The following CACNA2D1 variants were observed in gnomAD, a reference collection of about 807,000 sequenced individuals.
CACNA2D1 encodes calcium voltage-gated channel auxiliary subunit alpha2delta 1, also known as voltage-dependent calcium channel subunit alpha-2/delta-1.
A neutral mutation model predicts 171.5 loss-of-function variants in CACNA2D1; 53 were observed. The ratio of observed to expected loss-of-function variants is 0.31; its 90% CI spans 0.25 to 0.39. The LOEUF is 0.39. Among genes scored for constraint, CACNA2D1 ranks in the 10% least tolerant of loss-of-function variants. CACNA2D1 has a pLI of 1.00. For missense variants in CACNA2D1, 903 were observed against 1,299.8 expected (o/e 0.69, Z 4.69); for synonymous variants, 442 against 443.1 (o/e 1.00, Z 0.03).
In CACNA2D1 at chr7:82,080,081, G is replaced by A. The variant is rs192729931; in HGVS notation, c.658+4688C>T. 3.5e-3 allele frequency among the ~76,000 whole-genome samples: 516 copies of A among 149,354 alleles called. 1 individual carries two copies. The highest frequency in any genetic ancestry group is 4.9e-3 in the Non-Finnish European group (330 of 67,510). On this transcript the variant is annotated intron_variant, in intron 7 of 38. Transcript: ENST00000356860. ...TGTATATATATACGTATATATATGC[G>A]TACATATGTATAGATGTGTGTATAT...
At position 82,316,264 on chromosome 7, in the gene CACNA2D1, C is replaced by T. The variant is rs3801701; in HGVS notation, c.294+18871G>A. Among the ~76,000 whole-genome samples, 777 of 152,202 alleles carry T rather than the reference C, an allele frequency of 5.1e-3. 21 individuals are homozygous for T. The East Asian group carries it at 0.081, about 16-fold the overall frequency. ...TAATAACTGACAGGACAGAAGTGTT[C>T]CTGAAGTCTCTCACTGAATAGCATT... On this transcript the variant is annotated intron_variant, in intron 3 of 38. Coordinates refer to ENST00000356860, the MANE Select transcript of CACNA2D1 (RefSeq NM_000722.4).
At chr7:82,374,048 G>A (rs1822730958) in intron 1 of CACNA2D1, among the ~76,000 whole-genome samples, 1 of 152,150 alleles carries the variant, frequency 6.6e-6, no homozygotes, top group Non-Finnish European at 1.5e-5. Flanking sequence ...GGTTGACATG[G>A]GTCAGTCCGC....
In CACNA2D1 at chr7:82,443,512, G is replaced by A; in HGVS notation, c.-53C>T. 1 of 1,587,742 alleles carries A rather than the reference G, an allele frequency of 6.3e-7. No homozygotes were observed. The highest frequency in any genetic ancestry group is 1.7e-4 in the Middle Eastern group (1 of 5,976). On this transcript the variant is annotated 5_prime_UTR_variant, in exon 1 of 39. Transcript: ENST00000356860. Reference sequence around the variant, plus strand: ...CCCTGCCCAAGCGGGGGAAGGAGCGGCGCTGGAAACCGCGGGCGGAGGAAG... The same window carrying A: ...CCCTGCCCAAGCGGGGGAAGGAGCGACGCTGGAAACCGCGGGCGGAGGAAG...
intron 1 of CACNA2D1, among the ~76,000 whole-genome samples, chr7:82,396,563 T>C (rs1294123026): frequency 6.6e-6 from 1 of 152,342 alleles, no homozygotes; most frequent in African/African-American, 2.4e-5. Context: ...GGACTCCTTG[T>C]ACTAGCTACT....
chr7:82,404,456 G>A (rs1826798511), intron 1 of CACNA2D1, among the ~76,000 whole-genome samples: 3 of 152,164 alleles, frequency 2.0e-5, no homozygotes, highest in African/African-American at 7.2e-5. Flanking sequence ...AAATAAGTTA[G>A]GGAAGAATCC....
chr7:82,219,322 A>G (rs1801505001), intron 3 of CACNA2D1, among the ~76,000 whole-genome samples: 1 of 152,102 alleles, frequency 6.6e-6, no homozygotes, highest in African/African-American at 2.4e-5. Flanking sequence ...TATTTTACAT[A>G]TTTTCTAAAC....
intron 6 of CACNA2D1, among the ~76,000 whole-genome samples, chr7:82,088,302 C>T (rs1046098685): frequency 2.6e-5 from 4 of 151,988 alleles, no homozygotes; most frequent in Non-Finnish European, 4.4e-5. Flanking sequence ...AGGTACAAAA[C>T]GTCATTTTTT....
At chr7:82,208,992 G>T in intron 3 of CACNA2D1, among the ~76,000 whole-genome samples, 1 of 151,996 alleles carries the variant, frequency 6.6e-6, no homozygotes, top group East Asian at 1.9e-4. Context: ...AAAAAGAAAA[G>T]CTCAGCTTAT....
At chr7:81,964,555 C>G (rs1794499298) in intron 32 of CACNA2D1, among the ~76,000 whole-genome samples, 196 bp from the exon 33 acceptor site, 1 of 151,900 alleles carries the variant, frequency 6.6e-6, no homozygotes, top group Non-Finnish European at 1.5e-5. Context: ...GTTCTCATTA[C>G]TCAGTGGGGC....
At chr7:82,347,288 T>A (rs1205955753) in intron 2 of CACNA2D1, among the ~76,000 whole-genome samples, 1 of 152,152 alleles carries the variant, frequency 6.6e-6, no homozygotes. Flanking sequence ...TTTATTTTAT[T>A]TTATTTTTGA....
Position 81,971,763 on chromosome 7 carries a change from G to T in CACNA2D1, c.2141+14C>A. ...GCAGAATACATATTTTTATTAATAAGAACAAATACTTACATATTTTTCTGC... is the reference window on the plus strand; with the variant it reads ...GCAGAATACATATTTTTATTAATAATAACAAATACTTACATATTTTTCTGC... On this transcript the variant is annotated intron_variant, in intron 26 of 38. Coordinates refer to ENST00000356860, the MANE Select transcript of CACNA2D1 (RefSeq NM_000722.4). 1 of 1,424,592 alleles carries T rather than the reference G, an allele frequency of 7.0e-7. No individual in the cohort carries two copies. The highest frequency in any genetic ancestry group is 1.2e-5 in the South Asian group (1 of 86,834). 88.2% of individuals were successfully genotyped at this position (1,424,592 alleles called of 1,614,324 possible).
At chr7:82,404,758 C>T (rs895642598) in intron 1 of CACNA2D1, among the ~76,000 whole-genome samples, 2 of 152,162 alleles carry the variant, frequency 1.3e-5, no homozygotes, top group Admixed American at 1.3e-4. Context: ...GTGTCTCATG[C>T]AGTGTCACTC....
rs141711719 is a variant in CACNA2D1 at position 82,211,026 on chromosome 7, G to A, written c.295-40417C>T. 6.4e-3 allele frequency among the ~76,000 whole-genome samples: 968 copies of A among 152,084 alleles called. 12 individuals are homozygous for A. The highest frequency in any genetic ancestry group is 0.022 in the African/African-American group (914 of 41,470). ...CCCATATGATGTAATCTTCACAGAC[G>A]TGCTATAAGTAGACCTATTTATATA... is the stretch of plus-strand genomic sequence containing the variant. On this transcript the variant is annotated intron_variant, in intron 3 of 38. Transcript: ENST00000356860.
At chr7:82,028,614 T>C (rs1802256296) in intron 12 of CACNA2D1, 1 of 151,810 alleles carries the variant, frequency 6.6e-6, no homozygotes, top group Admixed American at 6.6e-5. Flanking sequence ...ATTACAAACA[T>C]TCGTGATTCA....
intron 4 of CACNA2D1, among the ~76,000 whole-genome samples, chr7:82,139,997 T>C (rs258712): frequency 6.6e-6 from 1 of 150,848 alleles, no homozygotes; most frequent in Non-Finnish European, 1.5e-5. Context: ...CATTATGTTG[T>C]TCAGGCTGGT....
intron 3 of CACNA2D1, among the ~76,000 whole-genome samples, chr7:82,179,788 A>G (rs1012562663): frequency 3.3e-5 from 5 of 152,106 alleles, no homozygotes; most frequent in African/African-American, 1.2e-4. Context: ...ATAAGGGGTA[A>G]GTATGATATG....
chr7:82,101,668 G>T (rs1812693930), intron 6 of CACNA2D1, among the ~76,000 whole-genome samples: 1 of 152,048 alleles, frequency 6.6e-6, no homozygotes, highest in Non-Finnish European at 1.5e-5. Flanking sequence ...TGCTATAGTT[G>T]CAGTAATGGT....
Position 82,298,575 on chromosome 7 carries a change from TC to T in CACNA2D1, c.294+36559del, listed in dbSNP as rs1186197171. Among the ~76,000 whole-genome samples, 355 of 148,182 alleles carry T rather than the reference TC, an allele frequency of 2.4e-3. 1 individual carries two copies. Among genetic ancestry groups the T allele is most frequent in the African/African-American group, 8.7e-3 (342 of 39,188 alleles). ...TTTATTTTTAAAAAGAGTGCAAATG[TC>T]TTTTTTTTTTTTTTAAGAGACAAGG... is the stretch of plus-strand genomic sequence containing the variant. On this transcript the variant is annotated intron_variant, in intron 3 of 38. Coordinates refer to ENST00000356860, the MANE Select transcript of CACNA2D1 (RefSeq NM_000722.4).
At chr7:82,005,740 A>C (rs1320174864) in intron 17 of CACNA2D1, 25 bp downstream of exon 17, 1 of 1,475,696 alleles carries the variant, frequency 6.8e-7, no homozygotes, top group South Asian at 1.1e-5. Flanking sequence ...TAGAAAGGGT[A>C]TCAAAAGAGC....
Sources: allele counts gnomAD v4.1 joint callset (sites outside exome capture counted in the v4.1 genomes callset), GRCh38; gene constraint gnomAD v4.1.1; transcripts MANE v1.5; gene names NCBI Gene and HGNC (gene_info 2026-07-23, HGNC 2026-07-21).